The following SPAG16 variants were observed in gnomAD, a reference collection of about 807,000 sequenced individuals.
The protein encoded by SPAG16 is sperm-associated antigen 16 protein.
SPAG16 carries 86 observed loss-of-function variants against 80.4 expected under a neutral mutation model. The ratio of observed to expected loss-of-function variants is 1.07; its 90% CI spans 0.90 to 1.28. The LOEUF (loss-of-function observed/expected upper bound fraction) is 1.28, where lower values mean the gene tolerates loss of function less well. SPAG16 is among the 50% of genes most tolerant of loss of function. The pLI, the probability that SPAG16 is intolerant of heterozygous loss-of-function variation, is 0.00. For missense variants in SPAG16, 870 were observed against 765.3 expected (o/e 1.14, Z -1.61); for synonymous variants, 294 against 265.9 (o/e 1.11, Z -1.03).
At chr2:213,835,551 G>A (rs2074026752) in intron 10 of SPAG16, among the ~76,000 whole-genome samples, 2 of 152,012 alleles carry the variant, frequency 1.3e-5, no homozygotes, top group Admixed American at 1.3e-4. Context: ...TCCCTGGTTG[G>A]ATGTCCTGTG....
At chr2:214,073,990 C>T (rs1399313998) in intron 13 of SPAG16, among the ~76,000 whole-genome samples, 1 of 152,074 alleles carries the variant, frequency 6.6e-6, no homozygotes, top group African/African-American at 2.4e-5. Context: ...ATCCTAATGC[C>T]CAATGTGACA....
intron 10 of SPAG16, among the ~76,000 whole-genome samples, chr2:213,741,485 A>G (rs564341261): frequency 6.0e-4 from 92 of 152,168 alleles, no homozygotes; most frequent in Non-Finnish European, 8.5e-4. Context: ...AAGACTAAGG[A>G]AAAAAAAGTA....
In SPAG16 at chr2:213,880,231, A is replaced by C. The variant is rs569674640; in HGVS notation, c.1214+17603A>C. On this transcript the variant is annotated intron_variant, in intron 11 of 15. Transcript: ENST00000331683. ...ATTTGTATTTCTCTGATGATTAGTG[A>C]TGATGAGCATTTTTTCATGTGTATT... 3.3e-5 allele frequency among the ~76,000 whole-genome samples: 5 copies of C among 152,318 alleles called. No individual in the cohort carries two copies. In the East Asian group the frequency reaches 9.6e-4, roughly 29 times the overall value.
intron 9 of SPAG16, among the ~76,000 whole-genome samples, chr2:213,384,683 A>T (rs2067335074): frequency 6.6e-6 from 1 of 152,236 alleles, no homozygotes; most frequent in Non-Finnish European, 1.5e-5. Context: ...TTTCGTCAGG[A>T]AGTTCTGTGT....
chr2:213,941,621 A>AACT (rs572070386), intron 12 of SPAG16, among the ~76,000 whole-genome samples: 36 of 152,142 alleles, frequency 2.4e-4, no homozygotes, highest in Non-Finnish European at 4.9e-4. Context: ...TTAATATCTT[A>AACT]ACTAATAACT....
intron 10 of SPAG16, among the ~76,000 whole-genome samples, chr2:213,792,888 T>C (rs969846628): frequency 2.0e-5 from 3 of 151,898 alleles, no homozygotes; most frequent in Non-Finnish European, 4.4e-5. Context: ...ATCCCACGTC[T>C]CCAACACTCT....
intron 11 of SPAG16, among the ~76,000 whole-genome samples, chr2:213,913,577 ATG>A (rs1303803117): frequency 1.8e-4 from 2 of 11,234 alleles, no homozygotes; most frequent in Non-Finnish European, 6.2e-4. Context: ...GTGTATATAT[ATG>A]TACATGTACA....
At chr2:213,667,914 T>C (rs1559358701) in intron 10 of SPAG16, among the ~76,000 whole-genome samples, 1 of 150,384 alleles carries the variant, frequency 6.6e-6, no homozygotes, top group Non-Finnish European at 1.5e-5. Flanking sequence ...TAAACGAGTG[T>C]ATTTGAATAA....
At chr2:214,405,321 C>A (rs1288001833) in intron 15 of SPAG16, among the ~76,000 whole-genome samples, 2 of 152,098 alleles carry the variant, frequency 1.3e-5, no homozygotes, top group African/African-American at 4.8e-5. Context: ...GAGATGGAGT[C>A]TCACTATGTT....
At position 213,566,136 on chromosome 2, in the gene SPAG16, A is replaced by G. The variant is rs562316684; in HGVS notation, c.1070+76046A>G. Among the ~76,000 whole-genome samples, 233 of 152,246 alleles carry G rather than the reference A, an allele frequency of 1.5e-3. 1 individual carries two copies. The highest frequency in any genetic ancestry group is 5.4e-3 in the African/African-American group (224 of 41,560). ...TAAACTTCAGAGTATGGCAAAGTCA[A>G]TGGGTTGCTGGAGTGAAGGAGGAGG... is the stretch of plus-strand genomic sequence containing the variant. On this transcript the variant is annotated intron_variant, in intron 10 of 15. Coordinates refer to ENST00000331683, the MANE Select transcript of SPAG16 (RefSeq NM_024532.5).
chr2:213,473,360 G>T (rs2073189151), intron 9 of SPAG16, among the ~76,000 whole-genome samples: 2 of 152,166 alleles, frequency 1.3e-5, no homozygotes, highest in Admixed American at 6.5e-5. Flanking sequence ...GAGAACTGCG[G>T]TTCCTACTAT....
At chr2:214,234,492 G>A (rs1281929290) in intron 15 of SPAG16, among the ~76,000 whole-genome samples, 1 of 152,102 alleles carries the variant, frequency 6.6e-6, no homozygotes, top group Non-Finnish European at 1.5e-5. Context: ...TGAACTAATT[G>A]ACACTTCCAC....
rs576173273 is a variant in SPAG16 at position 214,061,822 on chromosome 2, C to T, written c.1528-46374C>T. On this transcript the variant is annotated intron_variant, in intron 13 of 15. Coordinates refer to ENST00000331683, the MANE Select transcript of SPAG16 (RefSeq NM_024532.5). Reference sequence around the variant, plus strand: ...GGAGTAAGCAGCCCTAGGTTGAGCACTGCTCTGGACCCATTTAACAAGTTA... The same window carrying T: ...GGAGTAAGCAGCCCTAGGTTGAGCATTGCTCTGGACCCATTTAACAAGTTA... Among the ~76,000 whole-genome samples, 189 of 152,238 alleles carry T rather than the reference C, an allele frequency of 1.2e-3. No homozygotes were observed. The South Asian group carries it at 0.014, about 11-fold the overall frequency.
At chr2:213,616,607 G>T (rs1369373218) in intron 10 of SPAG16, among the ~76,000 whole-genome samples, 1 of 152,186 alleles carries the variant, frequency 6.6e-6, no homozygotes, top group Non-Finnish European at 1.5e-5. Context: ...AATCCTGAGG[G>T]AGTTGATTAA....
intron 13 of SPAG16, among the ~76,000 whole-genome samples, chr2:214,015,650 A>G (rs2047557068): frequency 6.6e-6 from 1 of 151,594 alleles, no homozygotes; most frequent in Admixed American, 6.6e-5. Flanking sequence ...TTTAGCACTT[A>G]GGGAAGCAAG....
chr2:213,320,528 T>C (rs1009944096), intron 5 of SPAG16, among the ~76,000 whole-genome samples: 1 of 151,950 alleles, frequency 6.6e-6, no homozygotes, highest in African/African-American at 2.4e-5. Flanking sequence ...TTTGTATCCA[T>C]TAACCAATTT....
chr2:213,561,623 T>C (rs1427093756), intron 10 of SPAG16, among the ~76,000 whole-genome samples: 1 of 152,220 alleles, frequency 6.6e-6, no homozygotes. Flanking sequence ...AAGTGGTATA[T>C]GCACACATGA....
At chr2:213,482,872 A>G (rs2073818375) in intron 9 of SPAG16, among the ~76,000 whole-genome samples, 1 of 152,184 alleles carries the variant, frequency 6.6e-6, no homozygotes, top group Non-Finnish European at 1.5e-5. Context: ...TCTTTTAAAT[A>G]TGGTATTTAT....
At chr2:213,433,915 C>CTTTTTTTTTTTTT (rs33989475) in intron 9 of SPAG16, among the ~76,000 whole-genome samples, 12 of 85,014 alleles carry the variant, frequency 1.4e-4, no homozygotes, top group African/African-American at 5.1e-4. Flanking sequence ...TTTTCTTTGT[C>CTTTTTTTTTTTTT]TTTTTTTTTT....
Sources: gnomAD v4.1 joint callset for allele counts (sites outside exome capture counted in the v4.1 genomes callset) on GRCh38, gnomAD v4.1.1 for gene constraint, MANE v1.5 for transcripts, NCBI Gene and HGNC (gene_info 2026-07-23, HGNC 2026-07-21) for gene names.